Variants in DPP3 observed in about 807,000 individuals in gnomAD.
DPP3 encodes the protein dipeptidyl peptidase 3, also known as DPP III.
DPP3 carries 64 observed loss-of-function variants against 89.8 expected under a neutral mutation model. That is an observed-to-expected ratio of 0.71 (90% confidence interval 0.58 to 0.88). DPP3 has a LOEUF of 0.88. Among genes scored for constraint, DPP3 ranks in the 40% least tolerant of loss-of-function variants. The pLI is 0.00. For missense variants in DPP3, 835 were observed against 972.5 expected, an observed-to-expected ratio of 0.86 and a Z score of 1.88; for synonymous variants, 377 against 404.3, an observed-to-expected ratio of 0.93 and a Z score of 0.81.
chr11:66,482,986 C>G (rs1030320913), intron 2 of DPP3: 36 of 156,116 alleles, frequency 2.3e-4, no homozygotes, highest in Admixed American at 2.2e-3. Flanking sequence ...AGAGGTAACC[C>G]ACTGAGGCTG....
chr11:66,486,745 G>A, intron 4 of DPP3, 68 bp downstream of exon 4: 2 of 1,422,960 alleles, frequency 1.4e-6, no homozygotes. Context: ...CTGGTAAGGA[G>A]GGAAGGACAC....
chr11:66,497,720 GTC>G (rs1855575499), intron 16 of DPP3, among the ~76,000 whole-genome samples: 1 of 151,936 alleles, frequency 6.6e-6, no homozygotes, highest in Non-Finnish European at 1.5e-5. Flanking sequence ...GCAAAACCTC[GTC>G]TCTACAAAAA....
intron 3 of DPP3, among the ~76,000 whole-genome samples, 184 bp downstream of exon 3, chr11:66,485,446 A>G (rs969215600): frequency 3.3e-5 from 5 of 152,202 alleles, no homozygotes; most frequent in Admixed American, 1.3e-4. Context: ...CTCTTCGTGT[A>G]TAAAGGAAAA....
chr11:66,498,903 C>T (rs1330972312), intron 16 of DPP3, among the ~76,000 whole-genome samples: 2 of 152,158 alleles, frequency 1.3e-5, no homozygotes, highest in Admixed American at 1.3e-4. Flanking sequence ...GTCGCAGCCA[C>T]ACAGGAGGCT....
Position 66,509,508 on chromosome 11 carries a change from C to A in DPP3, c.*257C>A. The A allele has an allele frequency of 8.2e-7, 1 of 1,226,188 alleles. No individual in the cohort carries two copies. Among genetic ancestry groups the A allele is most frequent in the Non-Finnish European group, 1.2e-6 (1 of 865,028 alleles). 76.0% of individuals were successfully genotyped at this position (1,226,188 alleles called of 1,614,324 possible). ...AGACAGGGCTTACCATCCTGTCTAC[C>A]AGATGAGGAAATGGCAGTTCTGAGA... is the stretch of plus-strand genomic sequence containing the variant. On this transcript the variant is annotated 3_prime_UTR_variant, in exon 18 of 18. Coordinates refer to ENST00000531863, the MANE Select transcript of DPP3 (RefSeq NM_130443.4).
At chr11:66,482,026 C>T (rs1356273478) in intron 1 of DPP3, 167 bp from the exon 2 acceptor site, 1 of 992,122 alleles carries the variant, frequency 1.0e-6, no homozygotes, top group African/African-American at 1.6e-5. Context: ...TTGGGTGAGT[C>T]ATCTCACCTT....
intron 16 of DPP3, among the ~76,000 whole-genome samples, chr11:66,498,325 C>G (rs1855594650): frequency 6.6e-6 from 1 of 152,170 alleles, no homozygotes; most frequent in African/African-American, 2.4e-5. Flanking sequence ...GATCTCCTGA[C>G]CTCGTGATCT....
At chr11:66,483,192 A>G (rs991534416) in intron 2 of DPP3, 8 of 151,902 alleles carry the variant, frequency 5.3e-5, no homozygotes, top group Non-Finnish European at 1.2e-4. Context: ...ACACCGGGCT[A>G]ATTTTTGTAT....
intron 11 of DPP3, 108 bp from the exon 12 acceptor site, chr11:66,493,433 C>A: frequency 8.3e-7 from 1 of 1,199,064 alleles, no homozygotes; most frequent in Non-Finnish European, 1.2e-6. Flanking sequence ...TTGGCCTTTA[C>A]CAAGCACATG....
In DPP3 at chr11:66,486,536, G is replaced by T; in HGVS notation, c.361-4G>T. ...CTGGGCCATTGGCCTCCCTTTCCTT[G>T]CAGGAAAAGCTGGAACGGGTGATCC... On this transcript the variant is annotated splice_polypyrimidine_tract_variant and splice_region_variant and intron_variant, in intron 3 of 17. Transcript: ENST00000531863. 1 of 1,503,568 alleles carries T rather than the reference G, an allele frequency of 6.7e-7. No individual in the cohort carries two copies. The allele number at this position is 1,503,568 out of a possible 1,614,324, so 93.1% of individuals were successfully genotyped here.
intron 15 of DPP3, 92 bp downstream of exon 15, chr11:66,495,842 G>A (rs1855523660): frequency 6.6e-7 from 1 of 1,526,508 alleles, no homozygotes; most frequent in African/African-American, 1.4e-5. Flanking sequence ...GTACCTTTAA[G>A]GCAGATGAAC....
At chr11:66,492,341 T>G in intron 9 of DPP3, 1 of 194,274 alleles carries the variant, frequency 5.1e-6, no homozygotes, top group East Asian at 1.4e-4. Context: ...AGCCTGAGGA[T>G]TCAGCCACTT....
intron 1 of DPP3, 152 bp from the exon 2 acceptor site, chr11:66,482,040 TA>T: frequency 8.6e-7 from 1 of 1,164,738 alleles, no homozygotes; most frequent in Non-Finnish European, 1.2e-6. Context: ...TCACCTTCTC[TA>T]AGCCTCAGTT....
intron 17 of DPP3, among the ~76,000 whole-genome samples, chr11:66,507,189 C>T (rs1038054296): frequency 5.3e-5 from 8 of 152,030 alleles, no homozygotes; most frequent in African/African-American, 1.4e-4. Flanking sequence ...ACAAGGGGGC[C>T]GGGCGCGGTG....
At chr11:66,498,392 C>A (rs1400605979) in intron 16 of DPP3, among the ~76,000 whole-genome samples, 9 of 151,782 alleles carry the variant, frequency 5.9e-5, no homozygotes, top group Non-Finnish European at 1.3e-4. Context: ...CGGGCCTGGC[C>A]TAATTTTTGT....
Position 66,487,322 on chromosome 11 carries a change from C to T in DPP3, c.553C>T (p.Gln185Ter). Residue 185 changes from glutamine to a stop codon, truncating the protein, a stop_gained, in exon 5 of 18, where the codon CAG becomes TAG. Coordinates refer to ENST00000531863, the MANE Select transcript of DPP3 (RefSeq NM_130443.4). LOFTEE classifies it high-confidence loss of function. Reference sequence around the variant, plus strand: ...TACCATGGAAGATGCCAAATTGGCCCAGGACTTTCTGGACTCACAGGTTTG... The same window carrying T: ...TACCATGGAAGATGCCAAATTGGCCTAGGACTTTCTGGACTCACAGGTTTG... ...NCTMEDAKLAQDFLDSQNLSA... is the reference protein window; with the variant it reads ...NCTMEDAKLA 3.1e-6 allele frequency: 5 copies of T among 1,613,984 alleles called. No homozygotes were observed. The highest frequency in any genetic ancestry group is 4.2e-6 in the Non-Finnish European group (5 of 1,179,936).
chr11:66,481,232 T>C (rs1184443311), intron 1 of DPP3, among the ~76,000 whole-genome samples: 1 of 152,214 alleles, frequency 6.6e-6, no homozygotes. Context: ...CTCACGCCTG[T>C]AATCCCAGCA....
At chr11:66,496,660 C>T (rs1047920127) in intron 15 of DPP3, among the ~76,000 whole-genome samples, 21 of 152,168 alleles carry the variant, frequency 1.4e-4, no homozygotes, top group Middle Eastern at 3.4e-3. Flanking sequence ...GTGATCCGCC[C>T]GCCTCGGCCT....
At chr11:66,496,195 G>A (rs562592273) in intron 15 of DPP3, among the ~76,000 whole-genome samples, 1 of 152,324 alleles carries the variant, frequency 6.6e-6, no homozygotes, top group African/African-American at 2.4e-5. Context: ...CAGTGCCACG[G>A]CTCAGTTATG....
Sources: allele counts gnomAD v4.1 joint callset (sites outside exome capture counted in the v4.1 genomes callset), GRCh38; gene constraint gnomAD v4.1.1; transcripts MANE v1.5; gene names NCBI Gene and HGNC (gene_info 2026-07-23, HGNC 2026-07-21).